The following LTBP1 variants were observed in gnomAD, a reference collection of about 807,000 sequenced individuals.
LTBP1 encodes latent transforming growth factor beta binding protein 1.
LTBP1 carries 129 observed loss-of-function variants against 207.6 expected under a neutral mutation model. The observed-to-expected ratio is 0.62, with a 90% CI of 0.54 to 0.72. The LOEUF (loss-of-function observed/expected upper bound fraction) is 0.72. Ranked by LOEUF, LTBP1 falls within the 30% of genes least tolerant of loss-of-function variation. The pLI is 0.00. For synonymous variants in LTBP1, 963 were observed against 833.7 expected (o/e 1.16, Z -2.67); for missense variants, 2,281 against 2,217.2 (o/e 1.03, Z -0.58).
At chr2:33,054,241 A>C (rs193140565) in intron 3 of LTBP1, among the ~76,000 whole-genome samples, 42 of 152,238 alleles carry the variant, frequency 2.8e-4, no homozygotes, top group African/African-American at 9.9e-4. Flanking sequence ...GTACTCCTAG[A>C]ATTGGGGTGT....
chr2:33,292,889 C>G (rs146536382), intron 19 of LTBP1, among the ~76,000 whole-genome samples: 82 of 152,322 alleles, frequency 5.4e-4, no homozygotes, highest in Non-Finnish European at 8.5e-4. Context: ...CTTCCTCCCC[C>G]CTACAACAAG....
At chr2:33,116,851 C>A (rs1256048856) in intron 4 of LTBP1, among the ~76,000 whole-genome samples, 1 of 151,920 alleles carries the variant, frequency 6.6e-6, no homozygotes, top group Non-Finnish European at 1.5e-5. Context: ...TAAACCTAAC[C>A]TTTTTTGTTT....
In LTBP1 at chr2:33,263,374, G is replaced by T. The variant is rs769584462; in HGVS notation, c.2599G>T (p.Ala867Ser). ...TACGTCTAGTGCCAGCCAAGTGATTGCTCCTACTCAAGTGACAGGTTGGTG... is the reference window on the plus strand; with the variant it reads ...TACGTCTAGTGCCAGCCAAGTGATTTCTCCTACTCAAGTGACAGGTTGGTG... Reference protein sequence around the residue: ...ASTSSASQVIAPTQVTEINEC... With the variant: ...ASTSSASQVISPTQVTEINEC... Residue 867 changes from alanine to serine, a missense_variant, in exon 15 of 34, where the codon GCT becomes TCT. Physicochemically the swap from Ala to Ser is moderately conservative, Grantham distance 99 (BLOSUM62 1). Coordinates refer to ENST00000404816, the MANE Select transcript of LTBP1 (RefSeq NM_206943.4). 6.2e-7 allele frequency: 1 copy of T among 1,613,546 alleles called. No homozygotes were observed. The highest frequency in any genetic ancestry group is 1.7e-5 in the Admixed American group (1 of 60,022).
chr2:33,189,702 A>C (rs2087621883), intron 7 of LTBP1, among the ~76,000 whole-genome samples: 1 of 152,206 alleles, frequency 6.6e-6, no homozygotes, highest in Non-Finnish European at 1.5e-5. Flanking sequence ...TTTGACAGGA[A>C]GTAATATTTC....
At position 33,315,234 on chromosome 2, in the gene LTBP1, G is replaced by T. The variant is rs150699630; in HGVS notation, c.3695G>T (p.Gly1232Val). 6 of 1,613,542 alleles carry T rather than the reference G, an allele frequency of 3.7e-6. No individual in the cohort carries two copies. The African/African-American group carries it at 5.3e-5, about 14-fold the overall frequency. The change falls in exon 24 of 34, where the codon GGT becomes GTT. Residue 1232 changes from glycine (G) to valine (V), a missense_variant. Gly to Val is a moderately radical substitution (Grantham distance 109, BLOSUM62 -3). Transcript: ENST00000404816. ...EGSFHCVCQQ[G>V]FSISADGRTC... is the part of the protein sequence containing the mutation. ...TCTTTCCATTGTGTCTGCCAGCAGG[G>T]TTTCTCAATCTCTGCAGATGGCCGT... is the stretch of plus-strand genomic sequence containing the variant.
chr2:33,043,078 A>T (rs1251989339), intron 3 of LTBP1, among the ~76,000 whole-genome samples: 1 of 152,156 alleles, frequency 6.6e-6, no homozygotes, highest in Admixed American at 6.5e-5. Flanking sequence ...GAGGCCTATA[A>T]TCCCCAAACG....
chr2:33,354,924 G>A (rs1187958995), intron 26 of LTBP1, among the ~76,000 whole-genome samples: 1 of 151,962 alleles, frequency 6.6e-6, no homozygotes, highest in Non-Finnish European at 1.5e-5. Flanking sequence ...AAATTTTTTT[G>A]TAGGACGAGG....
At chr2:33,277,795 T>TTCTC (rs755630785) in intron 18 of LTBP1, among the ~76,000 whole-genome samples, 1 of 107,968 alleles carries the variant, frequency 9.3e-6, no homozygotes, top group East Asian at 2.0e-4. Context: ...CTTTCTTTCT[T>TTCTC]TCTCTCTCTC....
chr2:33,222,250 C>G (rs2091158545), intron 9 of LTBP1, 99 bp downstream of exon 9: 1 of 785,382 alleles, frequency 1.3e-6, no homozygotes, highest in Admixed American at 1.8e-5. Context: ...CCCAGCCTGT[C>G]ACAGTGAACC....
In LTBP1 at chr2:33,398,629, C is replaced by T. The variant is rs1290392994; in HGVS notation, c.*84C>T. The T allele has an allele frequency of 6.8e-6, 9 of 1,316,348 alleles. No homozygotes were observed. Among genetic ancestry groups the T allele is most frequent in the Admixed American group, 2.5e-5 (1 of 40,206 alleles). The allele number at this position is 1,316,348 out of a possible 1,614,324, so 81.5% of individuals were successfully genotyped here. On this transcript the variant is annotated 3_prime_UTR_variant, in exon 34 of 34. Coordinates refer to ENST00000404816, the MANE Select transcript of LTBP1 (RefSeq NM_206943.4). ...AATGTATTATACTTGAGACATTGCA[C>T]CTACCCCGGAAGGCTGGAAATACAG...
chr2:33,219,716 C>A (rs1351508523), intron 8 of LTBP1, among the ~76,000 whole-genome samples: 2 of 152,224 alleles, frequency 1.3e-5, no homozygotes, highest in East Asian at 3.9e-4. Flanking sequence ...CCTTCCCCAT[C>A]TGTCTTATTT....
intron 5 of LTBP1, among the ~76,000 whole-genome samples, chr2:33,154,430 T>A (rs1479570472): frequency 5.9e-5 from 9 of 152,210 alleles, no homozygotes. Flanking sequence ...TACTGGCATA[T>A]GTGTATATAT....
rs77648089 is a variant in LTBP1 at position 32,988,066 on chromosome 2, G to C, written c.566-32843G>C. On this transcript the variant is annotated intron_variant, in intron 2 of 33. Coordinates refer to ENST00000404816, the MANE Select transcript of LTBP1 (RefSeq NM_206943.4). The stretch of plus-strand genomic sequence containing the variant: ...CACAGCCACAAGCCAAAGAATGCTG[G>C]CAGACACCTATAGTGTACCTGGAAG... Among the ~76,000 whole-genome samples, 887 of 152,314 alleles carry C rather than the reference G, an allele frequency of 5.8e-3. 7 individuals carry two copies. The highest frequency in any genetic ancestry group is 0.02 in the African/African-American group (835 of 41,564).
Position 33,390,824 on chromosome 2 carries a change from G to A in LTBP1, c.4834+1518G>A, listed in dbSNP as rs368679700. 4.5e-4 allele frequency among the ~76,000 whole-genome samples: 69 copies of A among 152,140 alleles called. No homozygotes were observed. In the South Asian group the frequency reaches 0.012, roughly 27 times the overall value. On this transcript the variant is annotated intron_variant, in intron 32 of 33. Coordinates refer to ENST00000404816, the MANE Select transcript of LTBP1 (RefSeq NM_206943.4). ...TTAAGATAGGTAATTGCTGCCGACC[G>A]AGGAGTTTGACTTAGGACTTTAGAG...
At chr2:33,364,180 T>C (rs558160679) in intron 29 of LTBP1, 36 bp from the exon 30 acceptor site, 6 of 1,607,898 alleles carry the variant, frequency 3.7e-6, no homozygotes, top group African/African-American at 1.3e-5. Flanking sequence ...AACTGATGGC[T>C]GATTTTCTTT....
intron 2 of LTBP1, among the ~76,000 whole-genome samples, chr2:33,013,440 A>AT (rs1260543347): frequency 2.0e-5 from 3 of 148,534 alleles, no homozygotes; most frequent in African/African-American, 5.0e-5. Context: ...ACTTTTATTA[A>AT]TTTTTTTTAT....
At chr2:33,347,797 T>C (rs1273634706) in intron 26 of LTBP1, among the ~76,000 whole-genome samples, 1 of 152,186 alleles carries the variant, frequency 6.6e-6, no homozygotes, top group Non-Finnish European at 1.5e-5. Context: ...GGGGATTGCT[T>C]AAAACTTAGA....
At chr2:33,176,153 A>G (rs2086025610) in intron 5 of LTBP1, among the ~76,000 whole-genome samples, 1 of 151,986 alleles carries the variant, frequency 6.6e-6, no homozygotes, top group South Asian at 2.1e-4. Context: ...CTTAAAGTAT[A>G]ATAATAATAA....
rs1238059436 is a variant in LTBP1 at position 33,363,133 on chromosome 2, C to G, written c.4271-257C>G. ...CAAATATGAGGTAGCATCTCAGAAA[C>G]CATATTTACAAATACACTTCTCCTA... On this transcript the variant is annotated intron_variant, in intron 28 of 33. Coordinates refer to ENST00000404816, the MANE Select transcript of LTBP1 (RefSeq NM_206943.4). 6.6e-5 allele frequency among the ~76,000 whole-genome samples: 10 copies of G among 152,282 alleles called. 1 individual carries two copies. The highest frequency in any genetic ancestry group is 2.4e-4 in the African/African-American group (10 of 41,566).
Sources: allele counts gnomAD v4.1 joint callset (sites outside exome capture counted in the v4.1 genomes callset), GRCh38; gene constraint gnomAD v4.1.1; transcripts MANE v1.5; gene names NCBI Gene and HGNC (gene_info 2026-07-23, HGNC 2026-07-21).